Variants in RASA2 observed in about 807,000 individuals in gnomAD.
The protein encoded by RASA2 is RAS p21 protein activator 2, also known as ras GTPase-activating protein 2.
A neutral mutation model predicts 118.2 loss-of-function variants in RASA2; 155 were observed. The observed-to-expected ratio is 1.31, with a 90% CI of 1.15 to 1.50. The LOEUF is 1.50. Ranked by LOEUF, RASA2 falls within the 40% of genes most tolerant of loss-of-function variation. The probability of loss-of-function intolerance (pLI) is 0.00; values close to 1 mark genes in which losing one functional copy is unlikely to be tolerated. For synonymous variants in RASA2, 353 were observed against 349.1 expected (o/e 1.01, Z -0.12); for missense variants, 1,016 against 1,009.6 (o/e 1.01, Z -0.09).
chr3:141,603,345 T>G (rs910639732), intron 19 of RASA2, among the ~76,000 whole-genome samples: 1 of 151,912 alleles, frequency 6.6e-6, no homozygotes, highest in Admixed American at 6.6e-5. Context: ...CCAAGGCGGG[T>G]GGATCACCTG....
At chr3:141,551,314 C>G (rs533309414) in intron 5 of RASA2, among the ~76,000 whole-genome samples, 1 of 152,338 alleles carries the variant, frequency 6.6e-6, no homozygotes, top group East Asian at 1.9e-4. Flanking sequence ...ACTATTAAGG[C>G]AGTACCCATG....
chr3:141,579,747 A>G lies in RASA2; in HGVS notation c.1591-621A>G, dbSNP rs567456487. Among the ~76,000 whole-genome samples the G allele has an allele frequency of 6.4e-4, 97 of 152,178 alleles. 1 individual carries two copies. In the South Asian group the frequency reaches 0.019, roughly 30 times the overall value. On this transcript the variant is annotated intron_variant, in intron 15 of 23. Coordinates refer to ENST00000286364, the MANE Select transcript of RASA2 (RefSeq NM_006506.5). ...CCATACTGTACAAAACAACTTATAT[A>G]TAATATTGATAAAATTATGGCTTTT...
intron 19 of RASA2, among the ~76,000 whole-genome samples, chr3:141,592,708 CA>C (rs574829091): frequency 6.6e-6 from 1 of 151,752 alleles, no homozygotes; most frequent in South Asian, 2.1e-4. Flanking sequence ...AAATAGTACC[CA>C]GAGGAGTTAG....
chr3:141,509,881 TAATTA>T (rs942635077), intron 1 of RASA2, among the ~76,000 whole-genome samples: 1 of 152,224 alleles, frequency 6.6e-6, no homozygotes, highest in East Asian at 1.9e-4. Flanking sequence ...TTTAGGCAGT[TAATTA>T]AATTAATCAT....
At chr3:141,518,067 C>T (rs1297391312) in intron 3 of RASA2, among the ~76,000 whole-genome samples, 1 of 152,190 alleles carries the variant, frequency 6.6e-6, no homozygotes. Context: ...GCACCACTAT[C>T]TTTGTATTTT....
At chr3:141,572,026 A>C (rs2151130215) in intron 11 of RASA2, among the ~76,000 whole-genome samples, 1 of 103,094 alleles carries the variant, frequency 9.7e-6, no homozygotes, top group South Asian at 3.3e-4. Flanking sequence ...CTTTTTAAAA[A>C]AACATATATA....
At chr3:141,544,927 G>C (rs1280688141) in intron 5 of RASA2, among the ~76,000 whole-genome samples, 1 of 152,158 alleles carries the variant, frequency 6.6e-6, no homozygotes, top group East Asian at 1.9e-4. Flanking sequence ...ACTTATAGTG[G>C]GAGCTAAATG....
At chr3:141,488,279 T>G (rs149669751) in intron 1 of RASA2, among the ~76,000 whole-genome samples, 5 of 152,228 alleles carry the variant, frequency 3.3e-5, no homozygotes, top group African/African-American at 9.7e-5. Flanking sequence ...ATTTTCTTCA[T>G]GCAGTATTCT....
At position 141,492,231 on chromosome 3, in the gene RASA2, C is replaced by T. The variant is rs555856163; in HGVS notation, c.133+5015C>T. ...AGCCAGAATAAAACCATCATTTTATCCTTTAATCATAGCTGCTAATCCTAT... is the reference window on the plus strand; with the variant it reads ...AGCCAGAATAAAACCATCATTTTATTCTTTAATCATAGCTGCTAATCCTAT... On this transcript the variant is annotated intron_variant, in intron 1 of 23. Transcript: ENST00000286364. Among the ~76,000 whole-genome samples the T allele has an allele frequency of 4.0e-5, 6 of 151,890 alleles. No homozygotes were observed. The East Asian group carries it at 1.2e-3, about 30-fold the overall frequency.
intron 9 of RASA2, among the ~76,000 whole-genome samples, chr3:141,561,073 G>A (rs990173825): frequency 2.0e-5 from 3 of 152,104 alleles, no homozygotes; most frequent in Non-Finnish European, 2.9e-5. Flanking sequence ...TTTGTAAAAT[G>A]CATCCACAGA....
chr3:141,605,705 T>C (rs2107798716), intron 19 of RASA2, among the ~76,000 whole-genome samples: 1 of 152,232 alleles, frequency 6.6e-6, no homozygotes, highest in East Asian at 1.9e-4. Context: ...TTATCCTCCT[T>C]TGTTGCACAT....
At chr3:141,571,853 GT>G (rs1560041358) in intron 11 of RASA2, among the ~76,000 whole-genome samples, 1 of 151,634 alleles carries the variant, frequency 6.6e-6, no homozygotes, top group African/African-American at 2.4e-5. Context: ...GAGCAGAAGT[GT>G]TTTTTTCTTT....
Position 141,487,100 on chromosome 3 carries a change from CT to C in RASA2, c.18del (p.Ala7LeufsTer53). The C allele has an allele frequency of 7.2e-7, 1 of 1,392,728 alleles. No homozygotes were observed. Among genetic ancestry groups the C allele is most frequent in the Non-Finnish European group, 9.4e-7 (1 of 1,059,874 alleles). The allele number at this position is 1,392,728 out of a possible 1,614,324, so 86.3% of individuals were successfully genotyped here. Reference protein sequence around the residue: MAAAAPAAAAASSEAP... With the variant: MAAAAXAAAAASSEAP... ...GGCGGCACCATGGCGGCGGCGGCGC[CT>C]GCTGCTGCGGCGGCTTCTTCCGAGG... On this transcript the variant is annotated frameshift_variant, in exon 1 of 24. Coordinates refer to ENST00000286364, the MANE Select transcript of RASA2 (RefSeq NM_006506.5). LOFTEE classifies it high-confidence loss of function.
At chr3:141,550,459 G>A (rs952832203) in intron 5 of RASA2, among the ~76,000 whole-genome samples, 4 of 152,220 alleles carry the variant, frequency 2.6e-5, no homozygotes, top group South Asian at 2.1e-4. Flanking sequence ...ATGCACTATG[G>A]GATCCTGTAT....
intron 1 of RASA2, among the ~76,000 whole-genome samples, chr3:141,511,370 A>G (rs1577659592): frequency 6.6e-6 from 1 of 152,106 alleles, no homozygotes; most frequent in African/African-American, 2.4e-5. Flanking sequence ...AGAGTTGGCA[A>G]AGAGAAGGAA....
chr3:141,574,016 A>G lies in RASA2; in HGVS notation c.1432A>G (p.Met478Val). ...VKSSMSCPTVMCDIFYSLRQM... is the reference protein window; with the variant it reads ...VKSSMSCPTVVCDIFYSLRQM... ...ATCAAGTATGAGCTGCCCCACTGTA[A>G]TGTGTGATATCTTTTATTCTCTAAG... The change falls in exon 14 of 24, where the codon ATG becomes GTG. Residue 478 changes from methionine (M) to valine (V), a missense_variant. By Grantham distance (21) the Met-to-Val change is conservative. Coordinates refer to ENST00000286364, the MANE Select transcript of RASA2 (RefSeq NM_006506.5). 6.3e-7 allele frequency: 1 copy of G among 1,592,018 alleles called. No individual in the cohort carries two copies. Among genetic ancestry groups the G allele is most frequent in the Non-Finnish European group, 8.6e-7 (1 of 1,164,446 alleles).
At chr3:141,501,217 T>G (rs1252122015) in intron 1 of RASA2, among the ~76,000 whole-genome samples, 1 of 152,204 alleles carries the variant, frequency 6.6e-6, no homozygotes, top group African/African-American at 2.4e-5. Context: ...GTATAAAGGT[T>G]GGACGTGTTT....
chr3:141,534,080 A>G (rs1160763839), intron 4 of RASA2, among the ~76,000 whole-genome samples: 1 of 152,160 alleles, frequency 6.6e-6, no homozygotes, highest in African/African-American at 2.4e-5. Flanking sequence ...CACATATGTG[A>G]AGTTAATATG....
chr3:141,560,698 G>A (rs1448024860), intron 9 of RASA2, among the ~76,000 whole-genome samples: 1 of 152,090 alleles, frequency 6.6e-6, no homozygotes, highest in African/African-American at 2.4e-5. Context: ...GCACTTAAAA[G>A]CGTGTGTATC....
Sources: gnomAD v4.1 joint callset for allele counts (sites outside exome capture counted in the v4.1 genomes callset) on GRCh38, gnomAD v4.1.1 for gene constraint, MANE v1.5 for transcripts, NCBI Gene and HGNC (gene_info 2026-07-23, HGNC 2026-07-21) for gene names.